Variants in PEPD observed in about 807,000 individuals in gnomAD.
The protein encoded by PEPD is xaa-Pro dipeptidase.
A neutral mutation model predicts 60.7 loss-of-function variants in PEPD; 53 were observed. That is an observed-to-expected ratio of 0.87 (90% CI 0.70 to 1.10). PEPD has a LOEUF of 1.10. PEPD is among the 50% of genes least tolerant of loss of function. PEPD has a pLI of 0.00. For synonymous variants in PEPD, 267 were observed against 284.1 expected, an observed-to-expected ratio of 0.94 and a Z score of 0.60; for missense variants, 711 against 711.9, an observed-to-expected ratio of 1.00 and a Z score of 0.01.
At chr19:33,422,114 C>T (rs543179415) in intron 9 of PEPD, among the ~76,000 whole-genome samples, 2 of 152,258 alleles carry the variant, frequency 1.3e-5, no homozygotes, top group African/African-American at 2.4e-5. Flanking sequence ...AGTCGAACTC[C>T]GCGCTGCTCC....
intron 9 of PEPD, among the ~76,000 whole-genome samples, chr19:33,450,812 G>A (rs181578078): frequency 2.0e-5 from 3 of 152,218 alleles, no homozygotes; most frequent in Admixed American, 6.5e-5. Flanking sequence ...GGCGGGGCTC[G>A]GACACCAGAC....
intron 12 of PEPD, among the ~76,000 whole-genome samples, chr19:33,393,596 C>G (rs1394311019): frequency 6.7e-6 from 1 of 148,800 alleles, no homozygotes; most frequent in East Asian, 1.9e-4. Flanking sequence ...GGGGGTTGCT[C>G]TCAGAGCCTC....
At chr19:33,503,834 CT>C (rs1020811299) in intron 3 of PEPD, among the ~76,000 whole-genome samples, 2 of 152,186 alleles carry the variant, frequency 1.3e-5, no homozygotes, top group Non-Finnish European at 2.9e-5. Flanking sequence ...TACAAAGGAT[CT>C]GATTTTGAGG....
chr19:33,470,001 C>A (rs1319347218), intron 7 of PEPD, among the ~76,000 whole-genome samples: 1 of 151,938 alleles, frequency 6.6e-6, no homozygotes, highest in Non-Finnish European at 1.5e-5. Flanking sequence ...TGTGCGAGAA[C>A]CCCCACCGTG....
At chr19:33,437,224 ACAGT>A (rs1192924807) in intron 9 of PEPD, among the ~76,000 whole-genome samples, 1 of 152,124 alleles carries the variant, frequency 6.6e-6, no homozygotes, top group Non-Finnish European at 1.5e-5. Context: ...GTGTCTCAAA[ACAGT>A]CAACTTTTTC....
intron 1 of PEPD, 75 bp from the exon 2 acceptor site, chr19:33,512,851 G>C: frequency 6.5e-7 from 1 of 1,536,754 alleles, no homozygotes; most frequent in Non-Finnish European, 9.0e-7. Context: ...CTGAGGTCGG[G>C]GTGACCGGAG....
At chr19:33,413,668 G>T in intron 9 of PEPD, 25 bp from the exon 10 acceptor site, 2 of 1,502,188 alleles carry the variant, frequency 1.3e-6, no homozygotes, top group South Asian at 2.4e-5. Context: ...ACGCGTCAGG[G>T]TTGGGGCACT....
intron 11 of PEPD, among the ~76,000 whole-genome samples, chr19:33,403,325 G>A (rs1968546677): frequency 2.0e-5 from 3 of 152,322 alleles, no homozygotes; most frequent in Non-Finnish European, 4.4e-5. Flanking sequence ...AGCCCACCAC[G>A]TCTGCAGGGT....
intron 9 of PEPD, among the ~76,000 whole-genome samples, chr19:33,436,672 C>G (rs534388217): frequency 5.2e-5 from 8 of 152,386 alleles, no homozygotes; most frequent in Non-Finnish European, 1.2e-4. Context: ...TGCTGCTGGT[C>G]TAAAGCAATC....
chr19:33,496,974 G>A (rs1600163359), intron 4 of PEPD, among the ~76,000 whole-genome samples: 1 of 152,280 alleles, frequency 6.6e-6, no homozygotes, highest in East Asian at 1.9e-4. Context: ...CAAGGCTCCA[G>A]AGAGCTGGCT....
chr19:33,442,439 G>A (rs1369768827), intron 9 of PEPD, among the ~76,000 whole-genome samples: 16 of 149,402 alleles, frequency 1.1e-4, no homozygotes. Flanking sequence ...GGTGGCTCAC[G>A]CCTATAATCT....
At chr19:33,413,530 T>C (rs752850433) in intron 10 of PEPD, 45 bp downstream of exon 10, 14 of 1,125,376 alleles carry the variant, frequency 1.2e-5, no homozygotes, top group Non-Finnish European at 1.8e-5. Flanking sequence ...CTGCCCTACC[T>C]CCTCCCACTG....
intron 3 of PEPD, among the ~76,000 whole-genome samples, chr19:33,508,106 C>T (rs1970848099): frequency 6.6e-6 from 1 of 152,140 alleles, no homozygotes; most frequent in Non-Finnish European, 1.5e-5. Context: ...AGCTGTTTCT[C>T]CTTCTCTGTC....
Position 33,396,411 on chromosome 19 carries a change from G to A in PEPD, c.968-4932C>T, listed in dbSNP as rs185338446. Among the ~76,000 whole-genome samples, 844 of 152,242 alleles carry A rather than the reference G, an allele frequency of 5.5e-3. 10 individuals carry two copies. The highest frequency in any genetic ancestry group is 0.02 in the African/African-American group (812 of 41,552). ...TCTCCCAGCCACCTGGTCATCCCGC[G>A]CCTCAGTGCCCCTCTCTCGCCCCGT... On this transcript the variant is annotated intron_variant, in intron 12 of 14. Transcript: ENST00000244137.
chr19:33,486,730 G>A (rs1382868021), intron 6 of PEPD, among the ~76,000 whole-genome samples: 6 of 152,144 alleles, frequency 3.9e-5, no homozygotes, highest in African/African-American at 9.7e-5. Context: ...CAGGCACCCC[G>A]AGTAGCCACA....
chr19:33,404,476 A>C (rs907155092), intron 11 of PEPD, among the ~76,000 whole-genome samples: 1 of 145,664 alleles, frequency 6.9e-6, no homozygotes, highest in Non-Finnish European at 1.5e-5. Flanking sequence ...CAACAACAAC[A>C]ACCAGGAAGC....
intron 9 of PEPD, among the ~76,000 whole-genome samples, chr19:33,429,727 T>C (rs1969230757): frequency 6.6e-6 from 1 of 152,200 alleles, no homozygotes; most frequent in Admixed American, 6.6e-5. Flanking sequence ...GTACATCAAA[T>C]TGGGAAAAAT....
chr19:33,416,670 C>T (rs1010923924), intron 9 of PEPD, among the ~76,000 whole-genome samples: 4 of 152,216 alleles, frequency 2.6e-5, no homozygotes, highest in African/African-American at 7.2e-5. Context: ...TCCCAGCCAA[C>T]GACATCCCGG....
intron 11 of PEPD, 82 bp from the exon 12 acceptor site, chr19:33,401,951 C>G: frequency 7.2e-7 from 1 of 1,391,040 alleles, no homozygotes; most frequent in Non-Finnish European, 1.0e-6. Context: ...CTGCCCTGGA[C>G]TCGAGGGCAG....
Sources: gnomAD v4.1 joint callset for allele counts (sites outside exome capture counted in the v4.1 genomes callset) on GRCh38, gnomAD v4.1.1 for gene constraint, MANE v1.5 for transcripts, NCBI Gene and HGNC (gene_info 2026-07-23, HGNC 2026-07-21) for gene names.